Variants in DHX30 observed in about 807,000 individuals in gnomAD.
DHX30 encodes the protein ATP-dependent RNA helicase DHX30.
A neutral mutation model predicts 116.9 loss-of-function variants in DHX30; 4 were observed. That is an observed-to-expected ratio of 0.03 (90% confidence interval 0.02 to 0.08). DHX30 has a LOEUF of 0.08. Among genes scored for constraint, DHX30 ranks in the 10% least tolerant of loss-of-function variants. The pLI, the probability that DHX30 is intolerant of heterozygous loss-of-function variation, is 1.00. For missense variants in DHX30, 871 were observed against 1,595.1 expected, an observed-to-expected ratio of 0.55 and a Z score of 7.73; for synonymous variants, 697 against 651.7, an observed-to-expected ratio of 1.07 and a Z score of -1.06.
chr3:47,841,064 T>C lies in DHX30; in HGVS notation c.554T>C (p.Leu185Ser). The change falls in exon 7 of 22, where the codon TTA becomes TCA. Residue 185 changes from leucine to serine, a missense_variant. Coordinates refer to ENST00000445061, the MANE Select transcript of DHX30 (RefSeq NM_138615.3). ...GGACCTGGGGGCCTATCCCGCTCTT[T>C]AGGCCGGGAAGAAGAGGAGGACGAG... ...PGGPGGLSRS[L>S]GREEEEDEEE... The C allele has an allele frequency of 1.2e-6, 2 of 1,614,072 alleles. No homozygotes were observed. The highest frequency in any genetic ancestry group is 1.7e-6 in the Non-Finnish European group (2 of 1,179,994).
At chr3:47,820,300 C>T (rs1039015004) in intron 4 of DHX30, among the ~76,000 whole-genome samples, 9 of 150,966 alleles carry the variant, frequency 6.0e-5, no homozygotes, top group Non-Finnish European at 1.2e-4. Context: ...GGCAACAGAG[C>T]GAGACTCCAT....
chr3:47,827,802 C>G (rs565580330), intron 5 of DHX30, among the ~76,000 whole-genome samples: 1 of 152,234 alleles, frequency 6.6e-6, no homozygotes, highest in East Asian at 1.9e-4. Flanking sequence ...CTTATAGATT[C>G]TGGAACCATA....
chr3:47,843,308 C>G, intron 9 of DHX30, 53 bp downstream of exon 9: 1 of 1,601,594 alleles, frequency 6.2e-7, no homozygotes, highest in Non-Finnish European at 8.5e-7. Flanking sequence ...TGAAGCTCCC[C>G]TCTGCCAGTG....
Position 47,841,700 on chromosome 3 carries a change from A to C in DHX30, c.752A>C (p.Lys251Thr), listed in dbSNP as rs527633038. Reference protein sequence around the residue: ...QFPLPKNLLAKVIQIATSSST... With the variant: ...QFPLPKNLLATVIQIATSSST... ...CCACTTCCCAAGAACCTTCTGGCCA[A>C]GGTGATTCAGATTGCAACGTCATCC... The change falls in exon 8 of 22, where the codon AAG (lysine) becomes ACG (threonine). Residue 251 changes from lysine (K) to threonine (T), a missense_variant. Lys to Thr is a moderately conservative substitution (Grantham distance 78). This residue lies in a region of DHX30 where 175 missense variants were observed against 292.9 expected (regional missense o/e 0.60). Coordinates refer to ENST00000445061, the MANE Select transcript of DHX30 (RefSeq NM_138615.3). 3.7e-6 allele frequency: 6 copies of C among 1,614,240 alleles called. No individual in the cohort carries two copies. The highest frequency in any genetic ancestry group is 3.3e-5 in the Admixed American group (2 of 60,032).
intron 2 of DHX30, among the ~76,000 whole-genome samples, chr3:47,807,224 C>A (rs2035569798): frequency 6.6e-6 from 1 of 151,842 alleles, no homozygotes. Flanking sequence ...AACACCATTA[C>A]TGACTGCATT....
At chr3:47,825,672 A>G (rs990331147) in intron 4 of DHX30, among the ~76,000 whole-genome samples, 4 of 152,130 alleles carry the variant, frequency 2.6e-5, no homozygotes, top group Non-Finnish European at 5.9e-5. Flanking sequence ...TGCCTCCCAA[A>G]TAGTGCAGAG....
intron 8 of DHX30, chr3:47,842,385 T>TTTA (rs1340814425): frequency 2.0e-5 from 3 of 152,720 alleles, no homozygotes; most frequent in African/African-American, 7.2e-5. Context: ...AACCTTGAGT[T>TTTA]CGTGTCTGGC....
At chr3:47,830,709 T>G (rs1434654978) in intron 6 of DHX30, 1 of 152,246 alleles carries the variant, frequency 6.6e-6, no homozygotes, top group East Asian at 1.9e-4. Flanking sequence ...TCCTCCCACC[T>G]CAGCCTCCCC....
rs1294812066 is a variant in DHX30 at position 47,845,825 on chromosome 3, C to G, written c.1065C>G (p.Leu355=). ...CCATCCAGGTGCCCGAGCCCATCCT[C>G]CGCAAGATAGAGACCTTCCTGAACC... ...PCTIQVPEPI[L]RKIETFLNHY... is the part of the protein sequence containing the mutation. The change falls in exon 10 of 22, where the codon CTC becomes CTG. Residue 355 remains leucine, a synonymous_variant. Transcript: ENST00000445061. The G allele has an allele frequency of 6.2e-7, 1 of 1,609,410 alleles. No homozygotes were observed. The highest frequency in any genetic ancestry group is 2.2e-5 in the East Asian group (1 of 44,682).
chr3:47,840,706 C>T (rs2037333421), intron 6 of DHX30, among the ~76,000 whole-genome samples, 171 bp from the exon 7 acceptor site: 1 of 152,182 alleles, frequency 6.6e-6, no homozygotes, highest in Non-Finnish European at 1.5e-5. Context: ...TGCATCAAAG[C>T]TAGGCATCTT....
intron 3 of DHX30, chr3:47,816,868 T>A: frequency 3.0e-6 from 3 of 985,066 alleles, no homozygotes; most frequent in Non-Finnish European, 3.6e-6. Context: ...AGTGAACACC[T>A]TTGTATCTAC....
chr3:47,825,278 C>T (rs2036501141), intron 4 of DHX30: 1 of 564,294 alleles, frequency 1.8e-6, no homozygotes, highest in South Asian at 2.1e-5. Flanking sequence ...GGGCGGTCCG[C>T]AGCGCCCTTG....
chr3:47,834,334 C>A (rs895649891), intron 6 of DHX30, among the ~76,000 whole-genome samples: 1 of 151,880 alleles, frequency 6.6e-6, no homozygotes, highest in African/African-American at 2.4e-5. Flanking sequence ...GAACTCCTGA[C>A]CTGAAGTGAT....
In DHX30 at chr3:47,847,991, G is replaced by A. The variant is rs754982705; in HGVS notation, c.2286+35G>A. The stretch of plus-strand genomic sequence containing the variant: ...ACCTCCTGGGCCCGGCCAACCACTG[G>A]GGGAGGGACTCCGTTTTGAGGTGGT... On this transcript the variant is annotated intron_variant, in intron 14 of 21. Coordinates refer to ENST00000445061, the MANE Select transcript of DHX30 (RefSeq NM_138615.3). This position sits in a 1 kb window ranked among gnomAD's most constrained non-coding sequence, Gnocchi z 5.5. 2 of 1,609,440 alleles carry A rather than the reference G, an allele frequency of 1.2e-6. No individual in the cohort carries two copies. Among genetic ancestry groups the A allele is most frequent in the Admixed American group, 1.7e-5 (1 of 59,886 alleles).
intron 3 of DHX30, 43 bp downstream of exon 3, chr3:47,810,754 T>C: frequency 1.3e-6 from 2 of 1,584,788 alleles, no homozygotes; most frequent in Non-Finnish European, 1.7e-6. Context: ...CCTTCCTTAT[T>C]GGGATGGGCA....
In DHX30 at chr3:47,829,128, G is replaced by C; in HGVS notation, c.360G>C (p.Leu120=). The change falls in exon 6 of 22, where the codon CTG becomes CTC. Residue 120 remains leucine, a synonymous_variant. Transcript: ENST00000445061. ...AGGCTGCAGCTGCAGCCTGCCAGCT[G>C]TTCAAGGTGACCCTTCCTCAGTGAA... The part of the protein sequence containing the change: ...ERQAAAAACQ[L]FKGWGLLGPR... 3.2e-6 allele frequency: 5 copies of C among 1,560,190 alleles called. No individual in the cohort carries two copies. Among genetic ancestry groups the C allele is most frequent in the Non-Finnish European group, 3.5e-6 (4 of 1,153,174 alleles).
At chr3:47,838,526 A>C (rs535820001) in intron 6 of DHX30, among the ~76,000 whole-genome samples, 1 of 152,202 alleles carries the variant, frequency 6.6e-6, no homozygotes, top group African/African-American at 2.4e-5. Context: ...TTTTAAAATT[A>C]AATTTAATTA....
At chr3:47,837,622 C>T (rs1142722) in intron 6 of DHX30, among the ~76,000 whole-genome samples, 1 of 152,100 alleles carries the variant, frequency 6.6e-6, no homozygotes, top group Non-Finnish European at 1.5e-5. Context: ...TTAGCCGGGC[C>T]TGGTGGCGTA....
chr3:47,817,740 A>G (rs2106967756), intron 3 of DHX30, among the ~76,000 whole-genome samples: 1 of 152,318 alleles, frequency 6.6e-6, no homozygotes, highest in South Asian at 2.1e-4. Flanking sequence ...GACTAAGAGA[A>G]GTATATAGGA....
Sources: gnomAD v4.1 joint callset for allele counts (sites outside exome capture counted in the v4.1 genomes callset) on GRCh38, gnomAD v4.1.1 for gene constraint, gnomAD v4.1.1 regional missense constraint, Gnocchi (gnomAD v3.1) non-coding constraint, MANE v1.5 for transcripts, NCBI Gene and HGNC (gene_info 2026-07-23, HGNC 2026-07-21) for gene names.